Variants in DAPK1 observed in about 807,000 individuals in gnomAD.
DAPK1 encodes the protein death-associated protein kinase 1.
Under a neutral mutation model 144.9 loss-of-function variants are expected in DAPK1, and 56 were observed. The ratio of observed to expected loss-of-function variants is 0.39; its 90% CI spans 0.31 to 0.48. The LOEUF (loss-of-function observed/expected upper bound fraction) is 0.48. Ranked by LOEUF, DAPK1 falls within the 20% of genes least tolerant of loss-of-function variation. The pLI is 0.95. For synonymous variants in DAPK1, 690 were observed against 749.0 expected, an observed-to-expected ratio of 0.92 and a Z score of 1.29; for missense variants, 1,454 against 1,875.4, an observed-to-expected ratio of 0.78 and a Z score of 4.15.
chr9:87,650,969 A>T (rs1830423621), intron 16 of DAPK1, among the ~76,000 whole-genome samples: 1 of 152,200 alleles, frequency 6.6e-6, no homozygotes, highest in African/African-American at 2.4e-5. Context: ...CCCAGCTCCT[A>T]AAACTCAACA....
At chr9:87,624,390 GTCC>G (rs1829417166) in intron 3 of DAPK1, among the ~76,000 whole-genome samples, 1 of 152,216 alleles carries the variant, frequency 6.6e-6, no homozygotes, top group South Asian at 2.1e-4. Flanking sequence ...CTAAGGTCAG[GTCC>G]TCCAAAACAG....
rs553385869 is a variant in DAPK1, at chr9:87,692,298, C to A, written c.2414-4709C>A. ...TCTGATATAAGTACAGCAACTTTCG[C>A]TCACTTTTGGTTTCCATTTTCATGG... is the stretch of plus-strand genomic sequence containing the variant. On this transcript the variant is annotated intron_variant, in intron 21 of 25. Transcript: ENST00000408954. 2.6e-5 allele frequency among the ~76,000 whole-genome samples: 4 copies of A among 151,508 alleles called. No individual in the cohort carries two copies. In the South Asian group the frequency reaches 8.3e-4, roughly 32 times the overall value.
intron 2 of DAPK1, among the ~76,000 whole-genome samples, chr9:87,504,688 G>A (rs1285727638): frequency 2.0e-5 from 3 of 152,162 alleles, no homozygotes; most frequent in South Asian, 4.1e-4. Flanking sequence ...TATCCATGGC[G>A]GATTAGTTCC....
intron 25 of DAPK1, among the ~76,000 whole-genome samples, chr9:87,705,598 T>C (rs192109730): frequency 1.7e-3 from 259 of 152,350 alleles, no homozygotes; most frequent in Admixed American, 3.0e-3. Context: ...TATTTACTTA[T>C]TTATTTTGCA....
chr9:87,590,130 A>G (rs1486946835), intron 2 of DAPK1, among the ~76,000 whole-genome samples: 1 of 152,164 alleles, frequency 6.6e-6, no homozygotes, highest in Non-Finnish European at 1.5e-5. Context: ...AGAGGGCTCC[A>G]ATTTGGTTCC....
intron 2 of DAPK1, among the ~76,000 whole-genome samples, chr9:87,513,534 G>A (rs1243163636): frequency 1.3e-5 from 2 of 152,164 alleles, no homozygotes; most frequent in African/African-American, 4.8e-5. Flanking sequence ...TGAAAGAAAT[G>A]GGGACAAGGA....
intron 2 of DAPK1, among the ~76,000 whole-genome samples, chr9:87,525,851 G>C (rs1380057684): frequency 6.6e-6 from 1 of 152,166 alleles, no homozygotes; most frequent in African/African-American, 2.4e-5. Flanking sequence ...TGAAGCTCAT[G>C]ACCAGGCTTA....
intron 2 of DAPK1, among the ~76,000 whole-genome samples, chr9:87,560,063 T>C (rs1330941294): frequency 2.6e-5 from 4 of 151,722 alleles, no homozygotes; most frequent in Non-Finnish European, 5.9e-5. Flanking sequence ...CGATCTTGGC[T>C]CACTGCAACC....
intron 2 of DAPK1, among the ~76,000 whole-genome samples, chr9:87,561,962 G>T (rs1002924042): frequency 1.3e-5 from 2 of 152,124 alleles, no homozygotes; most frequent in African/African-American, 4.8e-5. Context: ...CCCTGAATGG[G>T]CATCCCTGTG....
At chr9:87,505,456 C>T (rs1321127444) in intron 2 of DAPK1, among the ~76,000 whole-genome samples, 4 of 151,222 alleles carry the variant, frequency 2.6e-5, no homozygotes, top group Middle Eastern at 6.9e-3. Context: ...AGTGTAGTGG[C>T]GTGATCTCGG....
chr9:87,635,214 A>G (rs1162981304), intron 3 of DAPK1, among the ~76,000 whole-genome samples: 1 of 152,102 alleles, frequency 6.6e-6, no homozygotes, highest in African/African-American at 2.4e-5. Flanking sequence ...GCCTGAGGCC[A>G]GGGCAGCATG....
chr9:87,566,637 A>C (rs1046134263), intron 2 of DAPK1, among the ~76,000 whole-genome samples: 1 of 152,252 alleles, frequency 6.6e-6, no homozygotes, highest in Non-Finnish European at 1.5e-5. Flanking sequence ...TGATGGCTAC[A>C]GAACTAGCCT....
chr9:87,533,057 A>G (rs1300977757), intron 2 of DAPK1, among the ~76,000 whole-genome samples: 3 of 152,200 alleles, frequency 2.0e-5, no homozygotes, highest in Non-Finnish European at 4.4e-5. Flanking sequence ...TTAAAAGCAG[A>G]TGGGAACAAG....
At position 87,658,140 on chromosome 9, in the gene DAPK1, A is replaced by G. The variant is rs771972148; in HGVS notation, c.1923+13A>G. 36 of 1,122,706 alleles carry G rather than the reference A, an allele frequency of 3.2e-5. No individual in the cohort carries two copies. Among genetic ancestry groups the G allele is most frequent in the Non-Finnish European group, 4.6e-5 (34 of 738,450 alleles). 69.5% of individuals were successfully genotyped at this position (1,122,706 alleles called of 1,614,324 possible). A position where few individuals can be genotyped will look rare whatever the true frequency, so the allele number is the denominator to read the frequency against. On this transcript the variant is annotated intron_variant, in intron 18 of 25. Transcript: ENST00000408954. The stretch of plus-strand genomic sequence containing the variant: ...GGCGCTGACCACGGTGAGTGCCCAC[A>G]GGGCTTCGTGAAGGAGGGAGCTGCT...
intron 19 of DAPK1, among the ~76,000 whole-genome samples, chr9:87,669,766 G>GA (rs935964512): frequency 2.0e-4 from 30 of 151,900 alleles, no homozygotes; most frequent in South Asian, 8.5e-4. Context: ...CCAGGGGCAG[G>GA]GGGGGGCCAC....
intron 2 of DAPK1, among the ~76,000 whole-genome samples, chr9:87,511,264 C>G (rs746386934): frequency 7.9e-5 from 12 of 152,220 alleles, no homozygotes; most frequent in Non-Finnish European, 1.5e-4. Flanking sequence ...GTGCCGAGCT[C>G]TCTTGGTGAG....
chr9:87,610,909 TTG>T (rs1828897922), intron 3 of DAPK1, among the ~76,000 whole-genome samples: 1 of 152,246 alleles, frequency 6.6e-6, no homozygotes, highest in African/African-American at 2.4e-5. Context: ...CATCTGAAGA[TTG>T]TGTGTCTTGT....
intron 2 of DAPK1, among the ~76,000 whole-genome samples, chr9:87,562,491 A>G (rs1571516): frequency 0.68 from 102,908 of 152,130 alleles, 36,463 homozygotes; most frequent in African/African-American, 0.89. Context: ...GCCACACTCA[A>G]TGTGAAAGCA....
intron 2 of DAPK1, among the ~76,000 whole-genome samples, chr9:87,547,892 C>T (rs945261429): frequency 2.0e-5 from 3 of 152,134 alleles, no homozygotes; most frequent in African/African-American, 4.8e-5. Flanking sequence ...TGCACCTTCA[C>T]GGAAACATCT....
Sources: allele counts gnomAD v4.1 joint callset (sites outside exome capture counted in the v4.1 genomes callset), GRCh38; gene constraint gnomAD v4.1.1; transcripts MANE v1.5; gene names NCBI Gene and HGNC (gene_info 2026-07-23, HGNC 2026-07-21).